Variants in FER1L5 observed in about 807,000 individuals in gnomAD.
FER1L5 encodes fer-1 like family member 5, also known as fer-1-like protein 5.
In FER1L5, 187 loss-of-function variants were observed where a neutral mutation model predicts 279.9. The observed-to-expected ratio is 0.67, with a 90% CI of 0.59 to 0.75. The LOEUF (loss-of-function observed/expected upper bound fraction) is 0.75. Among genes scored for constraint, FER1L5 ranks in the 30% least tolerant of loss-of-function variants. The pLI is 0.00. For synonymous variants in FER1L5, 921 were observed against 989.7 expected, an observed-to-expected ratio of 0.93 and a Z score of 1.30; for missense variants, 2,091 against 2,594.4, an observed-to-expected ratio of 0.81 and a Z score of 4.21.
chr2:96,703,373 T>G (rs748077875), intron 50 of FER1L5, 27 bp downstream of exon 50: 31 of 1,599,816 alleles, frequency 1.9e-5, no homozygotes, highest in Non-Finnish European at 2.6e-5. Context: ...GTCTACTGAT[T>G]AGGGCTGCTA....
chr2:96,686,351 G>A lies in FER1L5; in HGVS notation c.2229+1G>A. On this transcript the variant is annotated splice_donor_variant, in intron 23 of 52. Transcript: ENST00000624922. LOFTEE classifies it high-confidence loss of function. ...GAAGATACAGACACTCTTCCTACAG[G>A]TGGGAATCAGGGACTCCTCAGGGGA... 1 of 1,550,298 alleles carries A rather than the reference G, an allele frequency of 6.5e-7. No homozygotes were observed. The highest frequency in any genetic ancestry group is 1.4e-5 in the African/African-American group (1 of 73,184).
At chr2:96,649,172 C>T (rs964010166) in intron 4 of FER1L5, among the ~76,000 whole-genome samples, 1 of 152,012 alleles carries the variant, frequency 6.6e-6, no homozygotes, top group African/African-American at 2.4e-5. Context: ...GTTCAGGGGG[C>T]CATCCTGGTG....
At chr2:96,688,931 C>T in intron 24 of FER1L5, 1 of 356,772 alleles carries the variant, frequency 2.8e-6, no homozygotes, top group Non-Finnish European at 5.1e-6. Context: ...ACCCCAGACC[C>T]CTCTCCACCT....
intron 9 of FER1L5, among the ~76,000 whole-genome samples, chr2:96,659,420 T>TCCTTTCTTTC (rs1278101149): frequency 3.6e-4 from 3 of 8,390 alleles, no homozygotes; most frequent in East Asian, 2.9e-3. Flanking sequence ...TTTCTTTCTT[T>TCCTTTCTTTC]CTTTCTTTCT....
intron 19 of FER1L5, among the ~76,000 whole-genome samples, chr2:96,683,506 C>G (rs1416319442): frequency 7.2e-6 from 1 of 138,854 alleles, no homozygotes; most frequent in Non-Finnish European, 1.6e-5. Context: ...AAGCCCCCAC[C>G]CCCCGCCCAA....
chr2:96,674,932 C>T (rs1246511914), intron 19 of FER1L5, among the ~76,000 whole-genome samples: 1 of 152,222 alleles, frequency 6.6e-6, no homozygotes. Context: ...TTCCTTCACC[C>T]AACAAGTAAC....
In FER1L5 at chr2:96,691,281, CTGGGCGCG is replaced by C; in HGVS notation, c.2838_2845del (p.Trp946CysfsTer34). ...CCTACCACTCGTGCCGCCGCCGGCG[CTGGGCGCG>C]TGTGCGCTTCAGGAACCATGGGGAG... On this transcript the variant is annotated frameshift_variant, in exon 28 of 53. Coordinates refer to ENST00000624922, the MANE Select transcript of FER1L5 (RefSeq NM_001293083.2). LOFTEE classifies it high-confidence loss of function. The surrounding 1 kb of genome is among the most constrained non-coding windows in gnomAD (Gnocchi z 6.0). The C allele has an allele frequency of 1.9e-6, 3 of 1,550,612 alleles. No homozygotes were observed. Among genetic ancestry groups the C allele is most frequent in the Non-Finnish European group, 2.6e-6 (3 of 1,146,884 alleles).
At chr2:96,651,281 TTCTTTCTTTC>T (rs2075363089) in intron 6 of FER1L5, among the ~76,000 whole-genome samples, 1 of 149,408 alleles carries the variant, frequency 6.7e-6, no homozygotes, top group Non-Finnish European at 1.5e-5. Context: ...CTTTCTTTCT[TTCTTTCTTTC>T]TTTCTTTCTT....
In FER1L5 at chr2:96,704,743, G is replaced by A; in HGVS notation, c.*51G>A. The A allele has an allele frequency of 6.9e-7, 1 of 1,442,048 alleles. No individual in the cohort carries two copies. Among genetic ancestry groups the A allele is most frequent in the Non-Finnish European group, 9.7e-7 (1 of 1,028,486 alleles). The allele number at this position is 1,442,048 out of a possible 1,614,324, so 89.3% of individuals were successfully genotyped here. On this transcript the variant is annotated 3_prime_UTR_variant, in exon 53 of 53. Transcript: ENST00000624922. ...CCTGCTACCAACAGCCCTCCCCTTGGGCTGGCTACCAGTTCTTTGTTTCTA... is the reference window on the plus strand; with the variant it reads ...CCTGCTACCAACAGCCCTCCCCTTGAGCTGGCTACCAGTTCTTTGTTTCTA...
chr2:96,699,963 C>A lies in FER1L5; in HGVS notation c.4813C>A (p.Pro1605Thr). The change falls in exon 44 of 53, where the codon CCC becomes ACC. Residue 1605 changes from proline to threonine, a missense_variant. Pro to Thr is a conservative substitution (Grantham distance 38). Coordinates refer to ENST00000624922, the MANE Select transcript of FER1L5 (RefSeq NM_001293083.2). ...SGPFRWRDQM[P>T]PSYLLERYAK... ...GCCCTTTAGATGGCGGGATCAGATG[C>A]CCCCAAGCTACCTCCTAGAACGCTA... 1.9e-6 allele frequency: 3 copies of A among 1,613,912 alleles called. No homozygotes were observed. The highest frequency in any genetic ancestry group is 2.5e-6 in the Non-Finnish European group (3 of 1,179,858).
Position 96,662,311 on chromosome 2 carries a change from G to T in FER1L5, c.1071+44G>T, listed in dbSNP as rs1458070689. 7.1e-6 allele frequency: 11 copies of T among 1,541,394 alleles called. No individual in the cohort carries two copies. In the East Asian group the frequency reaches 9.8e-5, roughly 14 times the overall value. On this transcript the variant is annotated intron_variant, in intron 13 of 52. Transcript: ENST00000624922. Reference sequence around the variant, plus strand: ...TGAGACCCAGAGAGATTGGCATCTAGAGAAAGTAGTTTGGAGAGGAGGGTG... The same window carrying T: ...TGAGACCCAGAGAGATTGGCATCTATAGAAAGTAGTTTGGAGAGGAGGGTG...
At chr2:96,657,896 A>G (rs1393997728) in intron 9 of FER1L5, among the ~76,000 whole-genome samples, 3 of 152,132 alleles carry the variant, frequency 2.0e-5, no homozygotes, top group African/African-American at 7.2e-5. Context: ...AGGCTGCTAT[A>G]TTGGGGCCGT....
rs1364345112 is a variant in FER1L5 at position 96,700,078 on chromosome 2, T to C, written c.4928T>C (p.Phe1643Ser). 2.5e-6 allele frequency: 4 copies of C among 1,613,712 alleles called. No individual in the cohort carries two copies. In the Admixed American group the frequency reaches 6.7e-5, roughly 27 times the overall value. ...GGGAAAAAGTTCAAGCTGCAAAGCT[T>C]TGGTGAGCAGCGCAGAACACTAGCA... The part of the protein sequence containing the change: ...YNGKKFKLQS[F>S]EPKTPTVHGL... Residue 1643 changes from phenylalanine (F) to serine (S), a missense_variant and splice_region_variant, in exon 44 of 53, where the codon TTT becomes TCT. Coordinates refer to ENST00000624922, the MANE Select transcript of FER1L5 (RefSeq NM_001293083.2).
rs954953685 is a variant in FER1L5, at chr2:96,658,318, C to CT, written c.748-2007dup. Among the ~76,000 whole-genome samples the CT allele has an allele frequency of 8.9e-3, 1,145 of 128,774 alleles. 6 individuals carry two copies. Among genetic ancestry groups the CT allele is most frequent in the Non-Finnish European group, 8.8e-3 (531 of 60,010 alleles). The allele number at this position is 128,774 out of a possible 152,430, so 84.5% of individuals were successfully genotyped here. On this transcript the variant is annotated intron_variant, in intron 9 of 52. Coordinates refer to ENST00000624922, the MANE Select transcript of FER1L5 (RefSeq NM_001293083.2). ...TGCGTGAGCCAACGCACCTGGCCAA[C>CT]TTTTTTTTTTTTTTTTGAGACAGAG... is the stretch of plus-strand genomic sequence containing the variant.
At chr2:96,662,175 A>G in intron 12 of FER1L5, 40 bp from the exon 13 acceptor site, 2 of 1,547,776 alleles carry the variant, frequency 1.3e-6, no homozygotes, top group Non-Finnish European at 1.7e-6. Flanking sequence ...CTCCTGAAAA[A>G]TGCTGCTGGC....
chr2:96,688,897 C>T (rs956584319), intron 24 of FER1L5: 8 of 284,904 alleles, frequency 2.8e-5, no homozygotes, highest in Non-Finnish European at 5.3e-5. Context: ...CTGCTGAGCA[C>T]TCAGGCCCTG....
At position 96,702,865 on chromosome 2, in the gene FER1L5, G is replaced by A; in HGVS notation, c.5398-113G>A. 1 of 1,531,664 alleles carries A rather than the reference G, an allele frequency of 6.5e-7. No individual in the cohort carries two copies. Among genetic ancestry groups the A allele is most frequent in the Non-Finnish European group, 8.8e-7 (1 of 1,132,968 alleles). The allele number at this position is 1,531,664 out of a possible 1,614,324, so 94.9% of individuals were successfully genotyped here. A position where few individuals can be genotyped will look rare whatever the true frequency, so the allele number is the denominator to read the frequency against. On this transcript the variant is annotated intron_variant, in intron 48 of 52. Coordinates refer to ENST00000624922, the MANE Select transcript of FER1L5 (RefSeq NM_001293083.2). The surrounding 1 kb of genome is among the most constrained non-coding windows in gnomAD (Gnocchi z 4.0). The stretch of plus-strand genomic sequence containing the variant: ...CAGAACATCAGAAACATGTCCTCAG[G>A]TGGAAACCCTCTTCCTTGATAGTCT...
rs771460602 is a variant in FER1L5 at position 96,697,719 on chromosome 2, C to A, written c.4194C>A (p.His1398Gln). 2 of 1,614,006 alleles carry A rather than the reference C, an allele frequency of 1.2e-6. No homozygotes were observed. Among genetic ancestry groups the A allele is most frequent in the Admixed American group, 1.7e-5 (1 of 60,030 alleles). The change falls in exon 39 of 53, where the codon CAC becomes CAA. Residue 1398 changes from histidine (H) to glutamine (Q), a missense_variant. Physicochemically the swap from His to Gln is conservative, Grantham distance 24. Transcript: ENST00000624922. ...WSKLFWATDE[H>Q]KSLKYKYKDY... ...AGCTGTTCTGGGCCACAGATGAGCA[C>A]AAGTCCCTGAAGTACAAGTACAAAG...
intron 31 of FER1L5, 141 bp downstream of exon 31, chr2:96,692,322 G>A: frequency 1.1e-6 from 1 of 883,100 alleles, no homozygotes; most frequent in Middle Eastern, 3.0e-4. Flanking sequence ...CCAGCTGCAA[G>A]CCTTGTCCCT....
Sources: gnomAD v4.1 joint callset for allele counts (sites outside exome capture counted in the v4.1 genomes callset) on GRCh38, gnomAD v4.1.1 for gene constraint, Gnocchi (gnomAD v3.1) non-coding constraint, MANE v1.5 for transcripts, NCBI Gene and HGNC (gene_info 2026-07-23, HGNC 2026-07-21) for gene names.